The following CA10 variants were observed in gnomAD, a reference collection of about 807,000 sequenced individuals.
CA10 encodes the protein carbonic anhydrase 10 (inactive).
CA10 carries 14 observed loss-of-function variants against 44.2 expected under a neutral mutation model. That is an observed-to-expected ratio of 0.32 (90% CI 0.21 to 0.50). The LOEUF is 0.50. Among genes scored for constraint, CA10 ranks in the 20% least tolerant of loss-of-function variants. The probability of loss-of-function intolerance (pLI) is 0.99; values close to 1 mark genes in which losing one functional copy is unlikely to be tolerated. For missense variants in CA10, 350 were observed against 409.7 expected (o/e 0.85, Z 1.26); for synonymous variants, 159 against 141.6 (o/e 1.12, Z -0.87).
At chr17:51,685,277 C>G (rs191305616) in intron 4 of CA10, among the ~76,000 whole-genome samples, 6 of 152,230 alleles carry the variant, frequency 3.9e-5, no homozygotes, top group East Asian at 3.9e-4. Context: ...GATTTGCCGT[C>G]TGTAAATCAT....
intron 3 of CA10, among the ~76,000 whole-genome samples, chr17:51,928,421 T>G (rs1346757617): frequency 1.3e-5 from 2 of 152,140 alleles, no homozygotes; most frequent in Admixed American, 1.3e-4. Flanking sequence ...ATTTTAGCCT[T>G]AAACTATGGT....
intron 1 of CA10, among the ~76,000 whole-genome samples, chr17:52,112,847 T>C (rs962909804): frequency 5.6e-4 from 85 of 152,206 alleles, no homozygotes; most frequent in Admixed American, 5.2e-4. Context: ...ATGGATAAGT[T>C]TGGAATGTCT....
chr17:51,953,676 A>G (rs887273804), intron 2 of CA10, among the ~76,000 whole-genome samples: 1 of 152,138 alleles, frequency 6.6e-6, no homozygotes, highest in Non-Finnish European at 1.5e-5. Flanking sequence ...TATAGTGTAC[A>G]ATATATTTGA....
intron 3 of CA10, among the ~76,000 whole-genome samples, chr17:51,889,215 A>C (rs962260835): frequency 6.6e-6 from 1 of 152,148 alleles, no homozygotes; most frequent in African/African-American, 2.4e-5. Context: ...TTACTTATAC[A>C]GGGCTAGTCA....
At chr17:52,083,224 T>C (rs1272657535) in intron 1 of CA10, among the ~76,000 whole-genome samples, 3 of 150,700 alleles carry the variant, frequency 2.0e-5, no homozygotes, top group Non-Finnish European at 4.4e-5. Context: ...TGAATGAGAC[T>C]AAAATCTCCT....
chr17:52,091,312 A>T (rs902218684), intron 1 of CA10, among the ~76,000 whole-genome samples: 110 of 152,292 alleles, frequency 7.2e-4, no homozygotes, highest in African/African-American at 2.5e-3. Flanking sequence ...AAAAATTTTT[A>T]AAAAGGCAAA....
chr17:51,739,521 G>A lies in CA10; in HGVS notation c.465+8112C>T, dbSNP rs139932834. Reference sequence around the variant, plus strand: ...GATGGTGGCTGTCATATGCCATCCTGGGGGTCCAGGCCAGAGTTATGATGC... The same window carrying A: ...GATGGTGGCTGTCATATGCCATCCTAGGGGTCCAGGCCAGAGTTATGATGC... On this transcript the variant is annotated intron_variant, in intron 4 of 8. Transcript: ENST00000451037. Among the ~76,000 whole-genome samples the A allele has an allele frequency of 2.0e-3, 312 of 152,238 alleles. 2 individuals are homozygous for A. The highest frequency in any genetic ancestry group is 0.02 in the Middle Eastern group (6 of 294).
intron 2 of CA10, among the ~76,000 whole-genome samples, chr17:51,997,365 T>C (rs904066017): frequency 6.6e-6 from 1 of 152,082 alleles, no homozygotes; most frequent in African/African-American, 2.4e-5. Context: ...TCAATAAGTA[T>C]GTGTAGAATA....
intron 8 of CA10, among the ~76,000 whole-genome samples, chr17:51,632,054 A>C (rs746221621): frequency 6.6e-6 from 1 of 152,218 alleles, no homozygotes; most frequent in Non-Finnish European, 1.5e-5. Flanking sequence ...ATCCAGCACA[A>C]TACCTGTTTT....
At chr17:51,770,027 G>A (rs1905538057) in intron 3 of CA10, among the ~76,000 whole-genome samples, 1 of 152,074 alleles carries the variant, frequency 6.6e-6, no homozygotes, top group Non-Finnish European at 1.5e-5. Context: ...TAGACAGGAA[G>A]GAGATCTAGG....
At chr17:51,965,325 C>T (rs1326539535) in intron 2 of CA10, among the ~76,000 whole-genome samples, 2 of 151,886 alleles carry the variant, frequency 1.3e-5, no homozygotes, top group Non-Finnish European at 2.9e-5. Flanking sequence ...ATCAATTTTA[C>T]TGAAACTATT....
chr17:51,723,431 C>T (rs1455662698), intron 4 of CA10, among the ~76,000 whole-genome samples: 1 of 152,142 alleles, frequency 6.6e-6, no homozygotes, highest in Non-Finnish European at 1.5e-5. Context: ...AGGATGTGAA[C>T]ACTTGGTAAG....
intron 3 of CA10, among the ~76,000 whole-genome samples, chr17:51,824,143 G>T (rs1254466153): frequency 1.3e-5 from 2 of 152,168 alleles, no homozygotes; most frequent in Admixed American, 1.3e-4. Context: ...ATAAATATTT[G>T]TTGGTAGATG....
intron 3 of CA10, among the ~76,000 whole-genome samples, chr17:51,911,942 A>G (rs1385079233): frequency 1.3e-5 from 2 of 152,196 alleles, no homozygotes; most frequent in Non-Finnish European, 2.9e-5. Flanking sequence ...AAGCAAACAG[A>G]CCATTAGACA....
chr17:51,907,662 C>T (rs1981614814), intron 3 of CA10, among the ~76,000 whole-genome samples: 1 of 152,078 alleles, frequency 6.6e-6, no homozygotes, highest in Admixed American at 6.6e-5. Flanking sequence ...AGCCCACAGT[C>T]AATGACTGAC....
At chr17:51,932,018 C>T (rs1334084420) in intron 2 of CA10, among the ~76,000 whole-genome samples, 1 of 152,126 alleles carries the variant, frequency 6.6e-6, no homozygotes, top group Non-Finnish European at 1.5e-5. Flanking sequence ...CCTTCAGATT[C>T]CCCTGAGATT....
At chr17:51,795,136 C>G (rs1309813663) in intron 3 of CA10, among the ~76,000 whole-genome samples, 3 of 152,144 alleles carry the variant, frequency 2.0e-5, no homozygotes, top group Non-Finnish European at 4.4e-5. Context: ...GTGTAAAGTA[C>G]CCGGCCCAGA....
At chr17:51,842,594 T>C (rs1978334392) in intron 3 of CA10, among the ~76,000 whole-genome samples, 1 of 152,350 alleles carries the variant, frequency 6.6e-6, no homozygotes, top group South Asian at 2.1e-4. Flanking sequence ...GGTTTACTTG[T>C]TGGAAACATA....
At chr17:51,698,254 C>T (rs756926525) in intron 4 of CA10, among the ~76,000 whole-genome samples, 6 of 152,226 alleles carry the variant, frequency 3.9e-5, no homozygotes, top group Non-Finnish European at 7.3e-5. Context: ...CCTCACCTTC[C>T]GTCTGGCTGG....
Sources: gnomAD v4.1 joint callset for allele counts (sites outside exome capture counted in the v4.1 genomes callset) on GRCh38, gnomAD v4.1.1 for gene constraint, MANE v1.5 for transcripts, NCBI Gene and HGNC (gene_info 2026-07-23, HGNC 2026-07-21) for gene names.